ANKRD36C: variants seen among roughly 807,000 people sequenced by gnomAD.
ANKRD36C encodes ankyrin repeat domain 36C.
ANKRD36C carries 61 observed loss-of-function variants against 276.4 expected under a neutral mutation model. That is an observed-to-expected ratio of 0.22 (90% confidence interval 0.18 to 0.27). ANKRD36C has a LOEUF of 0.27. ANKRD36C is among the 10% of genes least tolerant of loss of function. ANKRD36C has a pLI of 1.00. For missense variants in ANKRD36C, 1,447 were observed against 2,032.3 expected, an observed-to-expected ratio of 0.71 and a Z score of 5.54; for synonymous variants, 483 against 680.1, an observed-to-expected ratio of 0.71 and a Z score of 4.51.
chr2:95,936,750 C>T (rs1242929160), intron 22 of ANKRD36C, among the ~76,000 whole-genome samples: 1 of 152,316 alleles, frequency 6.6e-6, no homozygotes, highest in African/African-American at 2.4e-5. Flanking sequence ...CTTTGCCTTC[C>T]ACATTTTGTT....
intron 6 of ANKRD36C, among the ~76,000 whole-genome samples, chr2:95,971,444 C>CT (rs1391643806): frequency 6.6e-6 from 1 of 151,908 alleles, no homozygotes; most frequent in Non-Finnish European, 1.5e-5. Flanking sequence ...TCAAAAATCT[C>CT]TTTAGGTTCT....
rs766151129 is a variant in ANKRD36C at position 95,891,822 on chromosome 2, G to A, written c.2784+10C>T. ...TTACTAGTTCACAATATAAATGACAGTTTCATTACCTTCAAGCCTGATGGT... is the reference window on the plus strand; with the variant it reads ...TTACTAGTTCACAATATAAATGACAATTTCATTACCTTCAAGCCTGATGGT... On this transcript the variant is annotated intron_variant, in intron 45 of 66. Transcript: ENST00000456556. 1.3e-4 allele frequency: 197 copies of A among 1,559,868 alleles called. 1 individual carries two copies. The highest frequency in any genetic ancestry group is 2.1e-5 in the Non-Finnish European group (24 of 1,152,204).
Position 95,902,978 on chromosome 2 carries a change from C to G in ANKRD36C, c.2654-3642G>C. 1 of 1,579,532 alleles carries G rather than the reference C, an allele frequency of 6.3e-7. No individual in the cohort carries two copies. Among genetic ancestry groups the G allele is most frequent in the South Asian group, 1.1e-5 (1 of 88,270 alleles). On this transcript the variant is annotated intron_variant, in intron 42 of 66. Coordinates refer to ENST00000456556, the Ensembl canonical transcript of ANKRD36C. ...TGTAGCCTGAATGGAATTTGAAATG[C>G]AATAATAAATTAATAAAGTATGCTT...
chr2:95,931,810 C>G (rs1677578747), intron 24 of ANKRD36C, among the ~76,000 whole-genome samples: 1 of 144,818 alleles, frequency 6.9e-6, no homozygotes, highest in Admixed American at 7.1e-5. Flanking sequence ...TAAAATTCCT[C>G]TATTTACAGT....
chr2:95,989,731 T>G (rs1679099577), intron 1 of ANKRD36C, among the ~76,000 whole-genome samples: 1 of 152,224 alleles, frequency 6.6e-6, no homozygotes, highest in Admixed American at 6.5e-5. Flanking sequence ...AAATTGTCTA[T>G]TTGAAAAGTC....
In ANKRD36C at chr2:95,873,665, A is replaced by C. The variant is rs367652357; in HGVS notation, c.3540+2774T>G. ...CCACTCCTATTCAACATAGTGTTGG[A>C]AGTTCTGGCCAGGGCCATTAGGCAG... On this transcript the variant is annotated intron_variant, in intron 59 of 66. Transcript: ENST00000456556. 5.5e-3 allele frequency among the ~76,000 whole-genome samples: 843 copies of C among 152,338 alleles called. 56 individuals are homozygous for C. In the East Asian group the frequency reaches 0.15, roughly 26 times the overall value.
At chr2:95,890,020 C>T in intron 46 of ANKRD36C, 26 bp from the exon 67 acceptor site, 2 of 1,604,408 alleles carry the variant, frequency 1.2e-6, no homozygotes, top group South Asian at 1.1e-5. Context: ...GATACATAAT[C>T]ACTCATACGT....
chr2:95,923,613 A>G, intron 31 of ANKRD36C, 46 bp from the exon 32 acceptor site: 1 of 1,608,790 alleles, frequency 6.2e-7, no homozygotes, highest in East Asian at 2.2e-5. Flanking sequence ...AGTATGTTTC[A>G]TGGACTATAC....
chr2:95,961,672 T>G (rs1245116933), intron 8 of ANKRD36C, among the ~76,000 whole-genome samples: 5 of 152,068 alleles, frequency 3.3e-5, no homozygotes, highest in African/African-American at 9.7e-5. Flanking sequence ...AACATATATC[T>G]CTGATGCCCA....
In ANKRD36C at chr2:95,870,296, G is replaced by A. The variant is rs565495098; in HGVS notation, c.3541-2715C>T. On this transcript the variant is annotated intron_variant, in intron 59 of 66. Transcript: ENST00000456556. ...GGGCAGACTGACACCTCACACAGCC[G>A]GGTACTCCTCTGAGACAAAACTCCC... 3.9e-5 allele frequency among the ~76,000 whole-genome samples: 6 copies of A among 152,184 alleles called. No homozygotes were observed. The East Asian group carries it at 5.8e-4, about 15-fold the overall frequency.
At chr2:95,947,290 C>A (rs72492179) in intron 17 of ANKRD36C, among the ~76,000 whole-genome samples, 3 of 151,512 alleles carry the variant, frequency 2.0e-5, no homozygotes, top group African/African-American at 7.3e-5. Flanking sequence ...AACATTAGAA[C>A]AAAAGATAAA....
chr2:95,859,732 C>T (rs1283217608), intron 61 of ANKRD36C, 129 bp downstream of exon 81: 1 of 1,073,926 alleles, frequency 9.3e-7, no homozygotes, highest in East Asian at 2.6e-5. Flanking sequence ...TAATTTCACA[C>T]TCCATAAGAT....
At chr2:95,887,315 A>T (rs1330196731) in intron 50 of ANKRD36C, among the ~76,000 whole-genome samples, 1 of 151,400 alleles carries the variant, frequency 6.6e-6, no homozygotes, top group Non-Finnish European at 1.5e-5. Flanking sequence ...TATCTCCTGC[A>T]CCCAGTAGTT....
intron 38 of ANKRD36C, among the ~76,000 whole-genome samples, chr2:95,914,770 G>A (rs1354482613): frequency 1.7e-4 from 26 of 151,414 alleles, no homozygotes; most frequent in Non-Finnish European, 2.7e-4. Context: ...ACACAATTCC[G>A]ATGATACTTC....
chr2:95,891,854 G>A, exon 45 of ANKRD36C: 2 of 1,561,444 alleles, frequency 1.3e-6, no homozygotes, highest in South Asian at 1.2e-5. Flanking sequence ...TGGTTTCTCA[G>A]AAGACACTGA....
chr2:95,910,307 A>C, intron 42 of ANKRD36C, 66 bp downstream of exon 46: 6 of 1,470,214 alleles, frequency 4.1e-6, no homozygotes, highest in Non-Finnish European at 5.5e-6. Flanking sequence ...CCGCTGCTTT[A>C]TTTGGAGAAG....
chr2:95,947,231 T>C (rs1260549869), intron 17 of ANKRD36C, among the ~76,000 whole-genome samples: 1 of 152,086 alleles, frequency 6.6e-6, no homozygotes, highest in Non-Finnish European at 1.5e-5. Flanking sequence ...TTTCATTTTC[T>C]TCTATAACAT....
intron 61 of ANKRD36C, among the ~76,000 whole-genome samples, chr2:95,858,204 G>A (rs4243788): frequency 0.89 from 134,814 of 151,020 alleles, 59,894 homozygotes; most frequent in East Asian, 0.93. Context: ...GGGCTGTGTC[G>A]GGGGCCATGG....
At chr2:95,922,053 T>C (rs1325631286) in intron 32 of ANKRD36C, among the ~76,000 whole-genome samples, 4 of 151,502 alleles carry the variant, frequency 2.6e-5, no homozygotes, top group African/African-American at 7.3e-5. Context: ...AAAAGAAAAA[T>C]AAATCAGTGT....
Sources: allele counts gnomAD v4.1 joint callset (sites outside exome capture counted in the v4.1 genomes callset), GRCh38; gene constraint gnomAD v4.1.1; transcripts MANE v1.5; gene names NCBI Gene and HGNC (gene_info 2026-07-23, HGNC 2026-07-21).